ZNF787: variants seen among roughly 807,000 people sequenced by gnomAD.
ZNF787 encodes the protein zinc finger protein 787, also known as TTF-I-interacting peptide 20.
Under a neutral mutation model 16.9 loss-of-function variants are expected in ZNF787, and 7 were observed. The observed-to-expected ratio is 0.42, with a 90% CI of 0.24 to 0.78. The LOEUF is 0.78. Ranked by LOEUF, ZNF787 falls within the 30% of genes least tolerant of loss-of-function variation. ZNF787 has a pLI of 0.30. For synonymous variants in ZNF787, 345 were observed against 270.9 expected, an observed-to-expected ratio of 1.27 and a Z score of -2.69; for missense variants, 551 against 589.3, an observed-to-expected ratio of 0.94 and a Z score of 0.67.
chr19:56,119,691 C>T (rs2030230702), intron 1 of ZNF787, among the ~76,000 whole-genome samples: 1 of 152,236 alleles, frequency 6.6e-6, no homozygotes. Flanking sequence ...TCTGGCAGTG[C>T]ACCAGGGAGG....
At chr19:56,100,493 T>A (rs1986048766) in intron 2 of ZNF787, among the ~76,000 whole-genome samples, 1 of 152,150 alleles carries the variant, frequency 6.6e-6, no homozygotes, top group African/African-American at 2.4e-5. Context: ...CGAGCCCTGC[T>A]GGTTCCCTTT....
Position 56,115,354 on chromosome 19 carries a change from C to CTTTT in ZNF787, c.-11+5814_-11+5817dup, listed in dbSNP as rs543989293. ...CGGCCGCGGCACGTTGATTTCGCTG[C>CTTTT]TTTTTTTTTTTTTTTTTTTTTTGAG... is the stretch of plus-strand genomic sequence containing the variant. On this transcript the variant is annotated intron_variant, in intron 1 of 2. Coordinates refer to ENST00000610935, the MANE Select transcript of ZNF787 (RefSeq NM_001002836.4). 6.1e-3 allele frequency among the ~76,000 whole-genome samples: 692 copies of CTTTT among 113,166 alleles called. 17 individuals carry two copies. Among genetic ancestry groups the CTTTT allele is most frequent in the African/African-American group, 0.023 (637 of 27,270 alleles). The allele number at this position is 113,166 out of a possible 152,430, so 74.2% of individuals were successfully genotyped here.
rs1985829599 is a variant in ZNF787, at chr19:56,095,277, AACAGGCC to A, written c.80-6192_80-6186del. ...CCTCCCCAAGTGTGGCCCAGTTCCT[AACAGGCC>A]ACGGAGCAGCACCAGTACCAAGGAC... On this transcript the variant is annotated intron_variant, in intron 2 of 2. Transcript: ENST00000610935. 4.6e-5 allele frequency among the ~76,000 whole-genome samples: 7 copies of A among 152,262 alleles called. No homozygotes were observed. In the South Asian group the frequency reaches 1.2e-3, roughly 27 times the overall value.
chr19:56,092,097 C>T (rs1985625387), intron 2 of ZNF787, among the ~76,000 whole-genome samples: 1 of 148,670 alleles, frequency 6.7e-6, no homozygotes, highest in Admixed American at 6.6e-5. Flanking sequence ...AGGCTAACAG[C>T]CTTCTCCACC....
intron 1 of ZNF787, among the ~76,000 whole-genome samples, chr19:56,110,185 T>A (rs566713096): frequency 6.6e-6 from 1 of 151,766 alleles, no homozygotes; most frequent in East Asian, 2.0e-4. Flanking sequence ...TATGGTGAAA[T>A]CTTGTCTCTA....
Position 56,103,149 on chromosome 19 carries a change from G to A in ZNF787, c.69C>T (p.His23=), listed in dbSNP as rs775135815. 1.2e-5 allele frequency: 19 copies of A among 1,606,498 alleles called. No individual in the cohort carries two copies. The highest frequency in any genetic ancestry group is 8.9e-5 in the South Asian group (8 of 90,326). Residue 23 remains histidine, a synonymous_variant, in exon 2 of 3, where the codon CAC becomes CAT. Coordinates refer to ENST00000610935, the MANE Select transcript of ZNF787 (RefSeq NM_001002836.4). Reference sequence around the variant, plus strand: ...CCTCTGGCTGCTCACCTGGGTTCTCGTGACTGGCCATCTGCTGGTCCTCAG... The same window carrying A: ...CCTCTGGCTGCTCACCTGGGTTCTCATGACTGGCCATCTGCTGGTCCTCAG... ...LDSEDQQMAS[H]ENPVDILIMD...
chr19:56,108,615 G>A (rs2029893972), intron 1 of ZNF787, among the ~76,000 whole-genome samples: 1 of 152,062 alleles, frequency 6.6e-6, no homozygotes, highest in Non-Finnish European at 1.5e-5. Context: ...GGCCCGCTCT[G>A]ACACCCATGT....
chr19:56,114,875 C>T (rs149397585), intron 1 of ZNF787, among the ~76,000 whole-genome samples: 4 of 152,258 alleles, frequency 2.6e-5, no homozygotes, highest in South Asian at 2.1e-4. Context: ...CTCACCTTCC[C>T]GCTCTGCTCC....
chr19:56,089,060 G>T lies in ZNF787; in HGVS notation c.112C>A (p.Pro38Thr), dbSNP rs1435806441. The T allele has an allele frequency of 2.7e-6, 4 of 1,467,928 alleles. No homozygotes were observed. Among genetic ancestry groups the T allele is most frequent in the African/African-American group, 2.9e-5 (2 of 68,844 alleles). The allele number at this position is 1,467,928 out of a possible 1,614,324, so 90.9% of individuals were successfully genotyped here. Residue 38 changes from proline (P) to threonine (T), a missense_variant, in exon 3 of 3, where the codon CCC (proline) becomes ACC (threonine). Pro to Thr is a conservative substitution (Grantham distance 38). Transcript: ENST00000610935. ...GACAGCTTGGTGGGAGGCCAGCTGGGGACGTCGTCATCATCCATGATGAGG... is the reference window on the plus strand; with the variant it reads ...GACAGCTTGGTGGGAGGCCAGCTGGTGACGTCGTCATCATCCATGATGAGG... ...DILIMDDDDVPSWPPTKLSPP... is the reference protein window; with the variant it reads ...DILIMDDDDVTSWPPTKLSPP...
chr19:56,109,564 G>A (rs930369768), intron 1 of ZNF787, among the ~76,000 whole-genome samples: 1 of 152,170 alleles, frequency 6.6e-6, no homozygotes, highest in Non-Finnish European at 1.5e-5. Flanking sequence ...GCTTCAGGAG[G>A]CCTTCACTTT....
At chr19:56,112,743 C>T (rs757371160) in intron 1 of ZNF787, among the ~76,000 whole-genome samples, 3 of 152,012 alleles carry the variant, frequency 2.0e-5, no homozygotes, top group Non-Finnish European at 2.9e-5. Flanking sequence ...GGGCTAACAC[C>T]CTCTCTGACT....
At chr19:56,094,971 G>A (rs772989817) in intron 2 of ZNF787, among the ~76,000 whole-genome samples, 7 of 152,178 alleles carry the variant, frequency 4.6e-5, no homozygotes, top group Non-Finnish European at 8.8e-5. Flanking sequence ...AAAATTAGCT[G>A]AGTGTGGTGG....
At chr19:56,105,086 C>T (rs1032928777) in intron 1 of ZNF787, among the ~76,000 whole-genome samples, 1 of 152,048 alleles carries the variant, frequency 6.6e-6, no homozygotes, top group African/African-American at 2.4e-5. Context: ...AGAGATCACA[C>T]TCCAGCCTGG....
intron 2 of ZNF787, among the ~76,000 whole-genome samples, chr19:56,100,125 G>T (rs1362924777): frequency 2.6e-5 from 4 of 152,134 alleles, no homozygotes; most frequent in African/African-American, 9.7e-5. Context: ...GCTGAGGAAG[G>T]GTCCGGGGTG....
intron 1 of ZNF787, among the ~76,000 whole-genome samples, chr19:56,106,221 G>A (rs1489288693): frequency 4.6e-5 from 7 of 152,198 alleles, no homozygotes; most frequent in Non-Finnish European, 1.0e-4. Context: ...CTGTTCCTGC[G>A]TGTCTGACTC....
chr19:56,106,648 C>T (rs1986325879), intron 1 of ZNF787, among the ~76,000 whole-genome samples: 1 of 152,158 alleles, frequency 6.6e-6, no homozygotes, highest in Non-Finnish European at 1.5e-5. Context: ...CGCCACCCCA[C>T]CTCGTTCCCC....
intron 1 of ZNF787, among the ~76,000 whole-genome samples, chr19:56,110,366 A>T (rs2123423257): frequency 6.6e-6 from 1 of 152,124 alleles, no homozygotes; most frequent in South Asian, 2.1e-4. Context: ...CGTCTCAAAA[A>T]AAAAAAAAGA....
chr19:56,091,818 G>A (rs1481480837), intron 2 of ZNF787, among the ~76,000 whole-genome samples: 2 of 152,176 alleles, frequency 1.3e-5, no homozygotes, highest in African/African-American at 4.8e-5. Flanking sequence ...CCAGGAAACC[G>A]CGCTTCACAG....
chr19:56,105,692 TCACACCCCAGGGCC>T, intron 1 of ZNF787, among the ~76,000 whole-genome samples: 1 of 152,142 alleles, frequency 6.6e-6, no homozygotes, highest in Middle Eastern at 3.4e-3. Flanking sequence ...GCTCCAGGGC[TCACACCCCAGGGCC>T]CACACTTCTT....
Sources: allele counts gnomAD v4.1 joint callset (sites outside exome capture counted in the v4.1 genomes callset), GRCh38; gene constraint gnomAD v4.1.1; transcripts MANE v1.5; gene names NCBI Gene and HGNC (gene_info 2026-07-23, HGNC 2026-07-21).